TMEM236: variants seen among roughly 807,000 people sequenced by gnomAD.
TMEM236 encodes the protein transmembrane protein 236.
Under a neutral mutation model 14.7 loss-of-function variants are expected in TMEM236, and 11 were observed. The observed-to-expected ratio is 0.75, with a 90% CI of 0.47 to 1.24. The LOEUF (loss-of-function observed/expected upper bound fraction) is 1.24, where lower values mean the gene tolerates loss of function less well. TMEM236 is among the 50% of genes most tolerant of loss of function. The pLI is 0.00. For synonymous variants in TMEM236, 182 were observed against 168.6 expected, an observed-to-expected ratio of 1.08 and a Z score of -0.62; for missense variants, 464 against 427.3, an observed-to-expected ratio of 1.09 and a Z score of -0.76.
intron 3 of TMEM236, among the ~76,000 whole-genome samples, chr10:17,792,974 C>G (rs914917285): frequency 1.3e-4 from 20 of 152,220 alleles, no homozygotes; most frequent in Non-Finnish European, 2.2e-4. Flanking sequence ...CTGGTCCCCT[C>G]CAATGACCAA....
chr10:17,798,308 G>A lies in TMEM236; in HGVS notation c.*1804G>A. 3.3e-6 allele frequency: 1 copy of A among 307,040 alleles called. No homozygotes were observed. The highest frequency in any genetic ancestry group is 6.3e-6 in the Non-Finnish European group (1 of 158,404). 19.0% of individuals were successfully genotyped at this position (307,040 alleles called of 1,614,324 possible). On this transcript the variant is annotated 3_prime_UTR_variant, in exon 4 of 4. Coordinates refer to ENST00000377495, the MANE Select transcript of TMEM236 (RefSeq NM_001098844.3). ...AATCCCAGCACTTTGGGAGGTTGAG[G>A]CAGGTAGATCACTGGAGTCCAGGAG...
At chr10:17,759,153 T>A (rs1022989724) in intron 1 of TMEM236, among the ~76,000 whole-genome samples, 2 of 152,172 alleles carry the variant, frequency 1.3e-5, no homozygotes, top group Non-Finnish European at 2.9e-5. Context: ...GTGAGATGGT[T>A]GGGGGAATGA....
intron 3 of TMEM236, among the ~76,000 whole-genome samples, chr10:17,795,601 A>G (rs1425117774): frequency 2.0e-5 from 3 of 152,138 alleles, no homozygotes; most frequent in Non-Finnish European, 4.4e-5. Context: ...TTGAAATTCC[A>G]TGGGTAAAAT....
chr10:17,756,668 T>C (rs1181352212), intron 1 of TMEM236, among the ~76,000 whole-genome samples: 1 of 152,148 alleles, frequency 6.6e-6, no homozygotes, highest in East Asian at 1.9e-4. Flanking sequence ...TTTCAGCAGC[T>C]CTCCCAAAGT....
chr10:17,759,268 C>T (rs1837323398), intron 1 of TMEM236, among the ~76,000 whole-genome samples: 1 of 152,154 alleles, frequency 6.6e-6, no homozygotes, highest in Admixed American at 6.5e-5. Context: ...ACAAGGCTAG[C>T]CTGAAACTGG....
intron 1 of TMEM236, among the ~76,000 whole-genome samples, chr10:17,755,513 A>AG (rs1331282190): frequency 1.4e-4 from 21 of 152,126 alleles, no homozygotes; most frequent in Admixed American, 1.0e-3. Flanking sequence ...AGGGGTCTTA[A>AG]GGGGTTTCTG....
chr10:17,776,372 C>T (rs932437109), intron 3 of TMEM236, among the ~76,000 whole-genome samples: 8 of 152,056 alleles, frequency 5.3e-5, no homozygotes, highest in African/African-American at 1.4e-4. Context: ...GTTTGCTATT[C>T]GCATTTTAGT....
Position 17,796,030 on chromosome 10 carries a change from C to G in TMEM236, c.582C>G (p.Ser194Arg). 6.2e-7 allele frequency: 1 copy of G among 1,613,964 alleles called. No individual in the cohort carries two copies. The highest frequency in any genetic ancestry group is 8.5e-7 in the Non-Finnish European group (1 of 1,179,870). ...ENAASPQATN[S>R]TQVSQPSGAM... ...CTGCATCTCCCCAGGCAACCAACAG[C>G]ACCCAGGTGTCGCAGCCATCAGGAG... The change falls in exon 4 of 4, where the codon AGC (serine) becomes AGG (arginine). Residue 194 changes from serine (S) to arginine (R), a missense_variant. Transcript: ENST00000377495.
At chr10:17,769,622 G>A (rs1394748191) in intron 1 of TMEM236, among the ~76,000 whole-genome samples, 1 of 152,110 alleles carries the variant, frequency 6.6e-6, no homozygotes, top group African/African-American at 2.4e-5. Flanking sequence ...AGTGTTGTAG[G>A]AACTTGGATC....
intron 3 of TMEM236, among the ~76,000 whole-genome samples, chr10:17,782,226 C>G (rs1206401118): frequency 2.0e-5 from 3 of 152,068 alleles, no homozygotes; most frequent in Non-Finnish European, 2.9e-5. Flanking sequence ...TGAATTTTTT[C>G]TTTCCAATGT....
At chr10:17,765,177 A>G (rs1837442977) in intron 1 of TMEM236, among the ~76,000 whole-genome samples, 1 of 151,650 alleles carries the variant, frequency 6.6e-6, no homozygotes, top group Admixed American at 6.6e-5. Flanking sequence ...CTCCCCTTAC[A>G]CCCTGTTTTC....
intron 1 of TMEM236, among the ~76,000 whole-genome samples, chr10:17,764,383 A>G (rs1355605288): frequency 2.6e-5 from 4 of 152,198 alleles, no homozygotes; most frequent in Non-Finnish European, 5.9e-5. Flanking sequence ...TTTCATGTGG[A>G]AATTACACCA....
chr10:17,798,811 G>A lies in TMEM236; in HGVS notation c.*2307G>A. 1 of 412,324 alleles carries A rather than the reference G, an allele frequency of 2.4e-6. No individual in the cohort carries two copies. The highest frequency in any genetic ancestry group is 4.9e-6 in the Non-Finnish European group (1 of 202,740). 25.5% of individuals were successfully genotyped at this position (412,324 alleles called of 1,614,324 possible). On this transcript the variant is annotated 3_prime_UTR_variant, in exon 4 of 4. Coordinates refer to ENST00000377495, the MANE Select transcript of TMEM236 (RefSeq NM_001098844.3). ...AGGGTTAAAGGGTAAAGAGTCCTTTGAGCACATTTTCTGGCAAACCATAAT... is the reference window on the plus strand; with the variant it reads ...AGGGTTAAAGGGTAAAGAGTCCTTTAAGCACATTTTCTGGCAAACCATAAT...
Position 17,796,042 on chromosome 10 carries a change from G to A in TMEM236, c.594G>A (p.Ser198=), listed in dbSNP as rs1461656083. Reference sequence around the variant, plus strand: ...AGGCAACCAACAGCACCCAGGTGTCGCAGCCATCAGGAGCCATGACACGGA... The same window carrying A: ...AGGCAACCAACAGCACCCAGGTGTCACAGCCATCAGGAGCCATGACACGGA... ...SPQATNSTQV[S]QPSGAMTRSQ... The change falls in exon 4 of 4, where the codon TCG becomes TCA. Residue 198 remains serine, a synonymous_variant. Transcript: ENST00000377495. 23 of 1,613,786 alleles carry A rather than the reference G, an allele frequency of 1.4e-5. No homozygotes were observed. Among genetic ancestry groups the A allele is most frequent in the Middle Eastern group, 1.6e-4 (1 of 6,078 alleles).
At chr10:17,756,770 T>C (rs1374131334) in intron 1 of TMEM236, among the ~76,000 whole-genome samples, 3 of 152,200 alleles carry the variant, frequency 2.0e-5, no homozygotes, top group African/African-American at 7.2e-5. Flanking sequence ...CCAAACTGCC[T>C]CTTTGAAGGA....
At chr10:17,784,341 G>A (rs1447983735) in intron 3 of TMEM236, among the ~76,000 whole-genome samples, 1 of 152,142 alleles carries the variant, frequency 6.6e-6, no homozygotes, top group Non-Finnish European at 1.5e-5. Flanking sequence ...TGATTCTATT[G>A]TATTTCTTCT....
intron 3 of TMEM236, among the ~76,000 whole-genome samples, chr10:17,783,519 G>A (rs1227563231): frequency 3.9e-5 from 6 of 152,176 alleles, no homozygotes; most frequent in Non-Finnish European, 8.8e-5. Context: ...CTCGTCCAAT[G>A]CCTTCTGTGT....
intron 2 of TMEM236, among the ~76,000 whole-genome samples, chr10:17,775,234 A>G (rs1225583893): frequency 6.6e-6 from 1 of 152,168 alleles, no homozygotes; most frequent in Non-Finnish European, 1.5e-5. Context: ...TTTCATCATT[A>G]ATACAATGCT....
intron 1 of TMEM236, among the ~76,000 whole-genome samples, chr10:17,757,462 G>T (rs2131739766): frequency 6.6e-6 from 1 of 152,120 alleles, no homozygotes; most frequent in African/African-American, 2.4e-5. Flanking sequence ...AGCCAGGCAT[G>T]GTGGTACGTG....
Sources: gnomAD v4.1 joint callset for allele counts (sites outside exome capture counted in the v4.1 genomes callset) on GRCh38, gnomAD v4.1.1 for gene constraint, MANE v1.5 for transcripts, NCBI Gene and HGNC (gene_info 2026-07-23, HGNC 2026-07-21) for gene names.